The following RAB9B variants were observed in gnomAD, a reference collection of about 807,000 sequenced individuals.
The protein encoded by RAB9B is RAB9B, member RAS oncogene family, also known as ras-related protein Rab-9B.
RAB9B carries 1 observed loss-of-function variant against 8.9 expected under a neutral mutation model. The observed-to-expected ratio is 0.11, with a 90% CI of 0.04 to 0.53. RAB9B has a LOEUF of 0.53. RAB9B is among the 20% of genes least tolerant of loss of function. The pLI is 0.93. For missense variants in RAB9B, 82 were observed against 152.9 expected (o/e 0.54, Z 2.45); for synonymous variants, 63 against 57.0 (o/e 1.10, Z -0.47).
At chrX:103,777,857 A>G in the RAB9B span, among the ~76,000 whole-genome samples, 2 of 112,795 alleles carry the variant, frequency 1.8e-5, no homozygotes, top group Non-Finnish European at 3.7e-5. Flanking sequence ...GACATTGCTA[A>G]CATTTGGCAA....
chrX:103,802,234 G>GAA, the RAB9B span, among the ~76,000 whole-genome samples: 10 of 79,116 alleles, frequency 1.3e-4, no homozygotes, highest in East Asian at 1.4e-3. Flanking sequence ...GAGAGAGAGA[G>GAA]AAAAAAAGGG....
At chrX:103,792,667 C>G in the RAB9B span, 10 of 112,605 alleles carry the variant, frequency 8.9e-5, 1 homozygote, top group East Asian at 2.8e-3. Flanking sequence ...ACAATAGAAA[C>G]TTAATAATCG....
the RAB9B span, among the ~76,000 whole-genome samples, chrX:103,808,805 C>T: frequency 1.8e-5 from 2 of 112,945 alleles, no homozygotes; most frequent in Admixed American, 1.9e-4. Flanking sequence ...GGGGATCCAG[C>T]TAACTGGCTG....
At chrX:103,801,008 G>A in the RAB9B span, among the ~76,000 whole-genome samples, 1 of 111,894 alleles carries the variant, frequency 8.9e-6, no homozygotes, top group Non-Finnish European at 1.9e-5. Flanking sequence ...AATAAAAGAA[G>A]TGATAGTTTT....
the RAB9B span, among the ~76,000 whole-genome samples, chrX:103,804,713 A>T: frequency 3.6e-5 from 4 of 111,560 alleles, no homozygotes; most frequent in Middle Eastern, 4.2e-3. Flanking sequence ...AAGTTTTGTC[A>T]TTTTCTGTGT....
At chrX:103,819,708 C>G (rs1158890405), downstream of RAB9B, among the ~76,000 whole-genome samples, 1 of 112,046 alleles carries the variant, frequency 8.9e-6, no homozygotes, top group Non-Finnish European at 1.9e-5. Context: ...CATAAACATG[C>G]CTAGCTTTTG....
chrX:103,821,352 CAAAA>C (rs72322529), downstream of RAB9B, among the ~76,000 whole-genome samples: 16 of 90,921 alleles, frequency 1.8e-4, no homozygotes, highest in African/African-American at 2.8e-4. Context: ...GTACATGTGG[CAAAA>C]AAAAAAAAAA....
the RAB9B span, among the ~76,000 whole-genome samples, chrX:103,805,967 G>A: frequency 1.8e-5 from 2 of 110,634 alleles, no homozygotes; most frequent in Non-Finnish European, 3.8e-5. Flanking sequence ...GAGAAACAGG[G>A]TCTCACTCTG....
At chrX:103,803,702 C>A in the RAB9B span, among the ~76,000 whole-genome samples, 1 of 112,454 alleles carries the variant, frequency 8.9e-6, no homozygotes, top group Admixed American at 9.4e-5. Flanking sequence ...CCTCAGCTTC[C>A]TGAGTAGATG....
chrX:103,806,193 AT>A, the RAB9B span, among the ~76,000 whole-genome samples: 5 of 111,031 alleles, frequency 4.5e-5, no homozygotes, highest in Non-Finnish European at 9.4e-5. Flanking sequence ...TTGGTTATTG[AT>A]TTGAGATCTT....
At chrX:103,786,184 C>T in the RAB9B span, 1 of 1,125,953 alleles carries the variant, frequency 8.9e-7, no homozygotes, top group East Asian at 3.6e-5. Flanking sequence ...GTTAGCATGT[C>T]TGAAGGGTGG....
intron 1 of RAB9B, among the ~76,000 whole-genome samples, chrX:103,830,275 T>G (rs1401061079): frequency 9.0e-6 from 1 of 111,705 alleles, no homozygotes; most frequent in African/African-American, 3.3e-5. Context: ...ATACTTAAAT[T>G]AAAAAGAACT....
chrX:103,811,550 CAAAT>C, the RAB9B span, among the ~76,000 whole-genome samples: 1 of 110,925 alleles, frequency 9.0e-6, no homozygotes, highest in African/African-American at 3.3e-5. Context: ...GCCAGAATGT[CAAAT>C]AAACATGCTT....
At chrX:103,795,121 A>G in the RAB9B span, among the ~76,000 whole-genome samples, 1 of 111,537 alleles carries the variant, frequency 9.0e-6, no homozygotes, top group Non-Finnish European at 1.9e-5. Flanking sequence ...CATGGAGCTC[A>G]ACTAAAGACA....
intron 2 of RAB9B, 123 bp downstream of exon 2, chrX:103,826,882 G>GT (rs2074685358): frequency 9.0e-6 from 1 of 111,404 alleles, no homozygotes; most frequent in Non-Finnish European, 1.9e-5. Flanking sequence ...ACAAAATTTA[G>GT]TAGCCCTTAA....
At chrX:103,808,844 C>T in the RAB9B span, among the ~76,000 whole-genome samples, 1 of 113,101 alleles carries the variant, frequency 8.8e-6, no homozygotes, top group East Asian at 2.8e-4. Context: ...TGGCTTCTTG[C>T]CCAAGACCTG....
the RAB9B span, chrX:103,787,415 G>T: frequency 4.2e-6 from 1 of 239,049 alleles, no homozygotes; most frequent in Non-Finnish European, 7.5e-6. Flanking sequence ...TCAATGGCTA[G>T]GGAACAAAAA....
the RAB9B span, chrX:103,777,013 A>C: frequency 2.5e-6 from 3 of 1,190,003 alleles, no homozygotes; most frequent in African/African-American, 5.3e-5. Context: ...AGTTTCAAAA[A>C]CTTTAGCATT....
At chrX:103,816,141 G>A in the RAB9B span, among the ~76,000 whole-genome samples, 3 of 111,272 alleles carry the variant, frequency 2.7e-5, no homozygotes, top group Admixed American at 9.6e-5. Context: ...TGGGCAAGAC[G>A]AACAAAGCTG....
Sources: gnomAD v4.1 joint callset for allele counts (sites outside exome capture counted in the v4.1 genomes callset) on GRCh38, gnomAD v4.1.1 for gene constraint, MANE v1.5 for transcripts, NCBI Gene and HGNC (gene_info 2026-07-23, HGNC 2026-07-21) for gene names.